Variants in PIK3C3 observed in about 807,000 individuals in gnomAD.
PIK3C3 encodes PI3-kinase type 3.
A neutral mutation model predicts 126.1 loss-of-function variants in PIK3C3; 95 were observed. The ratio of observed to expected loss-of-function variants is 0.75; its 90% CI spans 0.64 to 0.89. The LOEUF is 0.89. Among genes scored for constraint, PIK3C3 ranks in the 40% least tolerant of loss-of-function variants. The pLI is 0.00. For missense variants in PIK3C3, 829 were observed against 1,063.2 expected (o/e 0.78, Z 3.06); for synonymous variants, 374 against 360.0 (o/e 1.04, Z -0.44).
chr18:41,989,159 T>C (rs1981648617), intron 5 of PIK3C3, among the ~76,000 whole-genome samples: 1 of 152,090 alleles, frequency 6.6e-6, no homozygotes, highest in African/African-American at 2.4e-5. Flanking sequence ...GTATGCTTAG[T>C]GCAGCCACAA....
chr18:41,977,460 T>A (rs1464406154), intron 4 of PIK3C3, among the ~76,000 whole-genome samples: 2 of 152,016 alleles, frequency 1.3e-5, no homozygotes, highest in East Asian at 1.9e-4. Flanking sequence ...CGGAAACGTT[T>A]TAGAGCCATG....
At chr18:42,017,720 A>G (rs982317649) in intron 12 of PIK3C3, among the ~76,000 whole-genome samples, 1 of 152,058 alleles carries the variant, frequency 6.6e-6, no homozygotes, top group African/African-American at 2.4e-5. Flanking sequence ...TGATGTTAAT[A>G]GAGCTTTGTC....
intron 1 of PIK3C3, 118 bp downstream of exon 1, chr18:41,955,477 G>T (rs774068127): frequency 1.2e-6 from 1 of 849,080 alleles, no homozygotes; most frequent in Admixed American, 2.1e-5. Flanking sequence ...CAGATTGGGG[G>T]CGGCTGTGAG....
At chr18:42,055,391 T>C (rs1215837134) in intron 21 of PIK3C3, among the ~76,000 whole-genome samples, 1 of 152,092 alleles carries the variant, frequency 6.6e-6, no homozygotes, top group African/African-American at 2.4e-5. Flanking sequence ...AAGTAATAAG[T>C]ATTGGGAACA....
chr18:42,022,181 G>A (rs112971831), intron 13 of PIK3C3, among the ~76,000 whole-genome samples: 7,446 of 152,122 alleles, frequency 0.049, 269 homozygotes, highest in Non-Finnish European at 0.076. Flanking sequence ...GGGTACATGT[G>A]CACAACGTGC....
At chr18:41,989,481 A>G (rs58298297) in intron 5 of PIK3C3, among the ~76,000 whole-genome samples, 5,495 of 152,232 alleles carry the variant, frequency 0.036, 319 homozygotes, top group African/African-American at 0.12. Flanking sequence ...CATGTGCCTC[A>G]TCATATCATT....
intron 19 of PIK3C3, among the ~76,000 whole-genome samples, chr18:42,041,036 G>A (rs1038461110): frequency 2.0e-5 from 3 of 152,028 alleles, no homozygotes; most frequent in Non-Finnish European, 4.4e-5. Flanking sequence ...ACAAAAATCA[G>A]CCGGGCATGG....
At chr18:42,022,442 A>G (rs1473218372) in intron 13 of PIK3C3, among the ~76,000 whole-genome samples, 1 of 152,148 alleles carries the variant, frequency 6.6e-6, no homozygotes, top group African/African-American at 2.4e-5. Flanking sequence ...AGCTTCATCC[A>G]TGTCCCTACA....
chr18:42,007,326 G>C (rs1348250406), intron 10 of PIK3C3, among the ~76,000 whole-genome samples: 1 of 151,908 alleles, frequency 6.6e-6, no homozygotes, highest in Non-Finnish European at 1.5e-5. Flanking sequence ...TATATGACTA[G>C]ACAAAGCTTT....
At chr18:41,962,021 G>A (rs1317108957) in intron 2 of PIK3C3, among the ~76,000 whole-genome samples, 1 of 152,120 alleles carries the variant, frequency 6.6e-6, no homozygotes, top group Non-Finnish European at 1.5e-5. Context: ...TGTGATAAAG[G>A]TAGTAGATTT....
intron 24 of PIK3C3, among the ~76,000 whole-genome samples, chr18:42,076,101 T>TATATATATATATATATGCAC (rs1985970520): frequency 1.4e-5 from 1 of 72,878 alleles, no homozygotes; most frequent in African/African-American, 7.4e-5. Flanking sequence ...TATATATATA[T>TATATATATATATATATGCAC]ATATATATAT....
chr18:41,991,815 G>C (rs1349097050), intron 6 of PIK3C3, among the ~76,000 whole-genome samples: 1 of 152,082 alleles, frequency 6.6e-6, no homozygotes, highest in East Asian at 1.9e-4. Context: ...TCCTTGGATA[G>C]ATTATTTAAC....
rs748269757 is a variant in PIK3C3 at position 41,970,390 on chromosome 18, AC to A, written c.468del (p.Thr157GlnfsTer16). The A allele has an allele frequency of 1.9e-6, 3 of 1,613,426 alleles. No individual in the cohort carries two copies. Among genetic ancestry groups the A allele is most frequent in the Non-Finnish European group, 2.5e-6 (3 of 1,179,400 alleles). On this transcript the variant is annotated frameshift_variant, in exon 4 of 25. Transcript: ENST00000262039. LOFTEE classifies it high-confidence loss of function. ...CTAATGTAGAAGCAGATGGATCAGA[AC>A]CCACAAAAACTCCTGGCAGAACAAG... is the stretch of plus-strand genomic sequence containing the variant. ...WPNVEADGSE[P>X]TKTPGRTSST...
chr18:42,039,154 C>G (rs1984194234), intron 18 of PIK3C3, among the ~76,000 whole-genome samples: 1 of 152,138 alleles, frequency 6.6e-6, no homozygotes, highest in Non-Finnish European at 1.5e-5. Context: ...CCATTTAAGT[C>G]TTTTCGAGAT....
At chr18:41,980,309 C>T (rs138132611) in intron 4 of PIK3C3, among the ~76,000 whole-genome samples, 1 of 152,246 alleles carries the variant, frequency 6.6e-6, no homozygotes, top group African/African-American at 2.4e-5. Flanking sequence ...AGCTGAATCA[C>T]TTAATGATTT....
At chr18:41,959,515 A>G (rs1323268865) in intron 2 of PIK3C3, among the ~76,000 whole-genome samples, 1 of 152,218 alleles carries the variant, frequency 6.6e-6, no homozygotes, top group Non-Finnish European at 1.5e-5. Context: ...TTAGAAAAAC[A>G]CCTTATTTTG....
At chr18:42,001,716 T>G (rs1982299689) in intron 9 of PIK3C3, among the ~76,000 whole-genome samples, 1 of 152,166 alleles carries the variant, frequency 6.6e-6, no homozygotes, top group South Asian at 2.1e-4. Context: ...AGTCTATAAA[T>G]CTGAGAATCT....
At chr18:42,004,563 T>G (rs1982449841) in intron 10 of PIK3C3, 22 bp downstream of exon 10, 1 of 1,555,596 alleles carries the variant, frequency 6.4e-7, no homozygotes, top group Non-Finnish European at 8.7e-7. Context: ...TTTATTATTC[T>G]GCTTCAATGG....
In PIK3C3 at chr18:42,082,647, C is replaced by G. The variant is rs998649815; in HGVS notation, c.*1510C>G. 6.6e-6 allele frequency: 1 copy of G among 152,156 alleles called. No homozygotes were observed. Among genetic ancestry groups the G allele is most frequent in the Non-Finnish European group, 1.5e-5 (1 of 68,026 alleles). The allele number at this position is 152,156 out of a possible 1,614,324, so 9.4% of individuals were successfully genotyped here. ...ATTTCTATTGAAACTTCCTCCAAAACTTTTCTCTGAATTACCCTTGTTGAA... is the reference window on the plus strand; with the variant it reads ...ATTTCTATTGAAACTTCCTCCAAAAGTTTTCTCTGAATTACCCTTGTTGAA... On this transcript the variant is annotated 3_prime_UTR_variant, in exon 25 of 25. Transcript: ENST00000262039.
Sources: allele counts gnomAD v4.1 joint callset (sites outside exome capture counted in the v4.1 genomes callset), GRCh38; gene constraint gnomAD v4.1.1; transcripts MANE v1.5; gene names NCBI Gene and HGNC (gene_info 2026-07-23, HGNC 2026-07-21).